RYR3: variants seen among roughly 807,000 people sequenced by gnomAD.
RYR3 encodes brain ryanodine receptor-calcium release channel.
RYR3 carries 207 observed loss-of-function variants against 584.3 expected under a neutral mutation model. The ratio of observed to expected loss-of-function variants is 0.35; its 90% CI spans 0.32 to 0.40. The LOEUF is 0.40. Ranked by LOEUF, RYR3 falls within the 10% of genes least tolerant of loss-of-function variation. RYR3 has a pLI of 1.00. For missense variants in RYR3, 5,616 were observed against 6,089.2 expected (o/e 0.92, Z 2.59); for synonymous variants, 2,416 against 2,248.5 (o/e 1.07, Z -2.11).
chr15:33,398,835 C>G (rs148771975), intron 1 of RYR3, among the ~76,000 whole-genome samples: 4 of 152,142 alleles, frequency 2.6e-5, no homozygotes, highest in Non-Finnish European at 5.9e-5. Context: ...TGGAGGGACT[C>G]GTTCACATGG....
At chr15:33,453,984 G>A (rs927163909) in intron 1 of RYR3, among the ~76,000 whole-genome samples, 6 of 152,182 alleles carry the variant, frequency 3.9e-5, no homozygotes, top group African/African-American at 1.4e-4. Flanking sequence ...TTGCCAGGTT[G>A]AGGCTTGGAC....
At chr15:33,617,941 T>C (rs1008247453) in intron 19 of RYR3, among the ~76,000 whole-genome samples, 1 of 152,184 alleles carries the variant, frequency 6.6e-6, no homozygotes, top group Non-Finnish European at 1.5e-5. Flanking sequence ...ATAGACAGTA[T>C]TGTTAGTGCA....
intron 1 of RYR3, among the ~76,000 whole-genome samples, chr15:33,389,745 G>A (rs2676051): frequency 0.75 from 114,842 of 152,164 alleles, 43,460 homozygotes; most frequent in Non-Finnish European, 0.79. Context: ...ATGCAAAACA[G>A]GCATTTTGTG....
intron 18 of RYR3, among the ~76,000 whole-genome samples, chr15:33,612,451 C>A (rs933975661): frequency 6.6e-6 from 1 of 152,210 alleles, no homozygotes; most frequent in African/African-American, 2.4e-5. Context: ...ACCTCTGCCT[C>A]CCGGGTTCAA....
intron 2 of RYR3, among the ~76,000 whole-genome samples, chr15:33,476,667 A>G (rs2049407499): frequency 6.6e-6 from 1 of 152,210 alleles, no homozygotes; most frequent in African/African-American, 2.4e-5. Flanking sequence ...GTAAATATCC[A>G]GGAGTAGAAT....
At position 33,446,853 on chromosome 15, in the gene RYR3, T is replaced by C. The variant is rs937878840; in HGVS notation, c.52-26566T>C. 1.3e-5 allele frequency among the ~76,000 whole-genome samples: 2 copies of C among 152,366 alleles called. 1 individual carries two copies. The stretch of plus-strand genomic sequence containing the variant: ...CTTTAGTGTCATTAACAGCTGTTAC[T>C]CTTCCTTCTCTTACATATATTGTAG... On this transcript the variant is annotated intron_variant, in intron 1 of 103. Coordinates refer to ENST00000634891, the MANE Select transcript of RYR3 (RefSeq NM_001036.6).
chr15:33,634,510 G>T (rs1407067151), intron 24 of RYR3, 76 bp from the exon 25 acceptor site: 10 of 1,492,406 alleles, frequency 6.7e-6, no homozygotes, highest in Non-Finnish European at 9.3e-6. Flanking sequence ...GACTGTTGCT[G>T]GGAATATGTG....
At chr15:33,835,132 C>T in intron 87 of RYR3, 60 bp downstream of exon 87, 4 of 1,233,974 alleles carry the variant, frequency 3.2e-6, no homozygotes, top group Non-Finnish European at 4.7e-6. Flanking sequence ...AGTCCTCACT[C>T]CTTGGTGTTC....
intron 91 of RYR3, among the ~76,000 whole-genome samples, chr15:33,842,590 G>C (rs573720412): frequency 6.6e-6 from 1 of 152,284 alleles, no homozygotes; most frequent in East Asian, 1.9e-4. Flanking sequence ...AGAGAGATTG[G>C]GAACGTTACC....
chr15:33,474,973 T>C (rs377622164), intron 2 of RYR3, among the ~76,000 whole-genome samples: 21 of 152,362 alleles, frequency 1.4e-4, no homozygotes, highest in African/African-American at 5.1e-4. Context: ...AAAATTTTTA[T>C]CTTTTTAAAG....
At chr15:33,833,350 T>G (rs1023551478) in intron 86 of RYR3, among the ~76,000 whole-genome samples, 1 of 152,226 alleles carries the variant, frequency 6.6e-6, no homozygotes, top group African/African-American at 2.4e-5. Context: ...TGAAAAATAT[T>G]AAATTCTCAT....
At chr15:33,859,446 C>T (rs1646930690) in intron 99 of RYR3, 129 bp from the exon 100 acceptor site, 1 of 909,982 alleles carries the variant, frequency 1.1e-6, no homozygotes, top group Non-Finnish European at 1.7e-6. Flanking sequence ...AATACTGGCA[C>T]CTCTGAAGAG....
At chr15:33,675,115 C>T (rs981280474) in intron 38 of RYR3, among the ~76,000 whole-genome samples, 6 of 152,140 alleles carry the variant, frequency 3.9e-5, no homozygotes, top group African/African-American at 1.4e-4. Context: ...GCAGCTAAAC[C>T]GTATGCAGGC....
In RYR3 at chr15:33,841,852, C is replaced by T. The variant is rs1278219683; in HGVS notation, c.13038-12C>T. Reference sequence around the variant, plus strand: ...CCGTCTGCCCTGCTGAGTGGGTTTCCCATTTCTGCAGCATGGAAGATGGAG... The same window carrying T: ...CCGTCTGCCCTGCTGAGTGGGTTTCTCATTTCTGCAGCATGGAAGATGGAG... On this transcript the variant is annotated splice_polypyrimidine_tract_variant and intron_variant, in intron 90 of 103. Coordinates refer to ENST00000634891, the MANE Select transcript of RYR3 (RefSeq NM_001036.6). 6.3e-7 allele frequency: 1 copy of T among 1,585,346 alleles called. No individual in the cohort carries two copies. Among genetic ancestry groups the T allele is most frequent in the Non-Finnish European group, 8.6e-7 (1 of 1,165,852 alleles).
At chr15:33,337,126 G>A (rs1971218037) in intron 1 of RYR3, among the ~76,000 whole-genome samples, 1 of 145,714 alleles carries the variant, frequency 6.9e-6, no homozygotes, top group African/African-American at 2.5e-5. Flanking sequence ...GAGAAGGCAT[G>A]AGTAATCCAT....
chr15:33,484,865 G>C (rs916234660), intron 2 of RYR3, among the ~76,000 whole-genome samples: 13 of 152,166 alleles, frequency 8.5e-5, no homozygotes, highest in African/African-American at 2.9e-4. Context: ...GTAGGCATCT[G>C]TATATATGAC....
chr15:33,562,331 C>G (rs796503769), intron 10 of RYR3, among the ~76,000 whole-genome samples: 16 of 152,294 alleles, frequency 1.1e-4, no homozygotes, highest in African/African-American at 3.8e-4. Context: ...GTATTAACCC[C>G]TGCGTATTCA....
intron 2 of RYR3, among the ~76,000 whole-genome samples, chr15:33,501,143 T>G (rs16971778): frequency 0.051 from 7,830 of 152,222 alleles, 676 homozygotes; most frequent in African/African-American, 0.18. Flanking sequence ...TTGTCCTGTT[T>G]AAATATACCC....
intron 38 of RYR3, among the ~76,000 whole-genome samples, chr15:33,674,131 C>T (rs1209957591): frequency 6.6e-6 from 1 of 152,184 alleles, no homozygotes; most frequent in Non-Finnish European, 1.5e-5. Flanking sequence ...CACTGAACAG[C>T]CTAGGAGCCC....
Sources: allele counts gnomAD v4.1 joint callset (sites outside exome capture counted in the v4.1 genomes callset), GRCh38; gene constraint gnomAD v4.1.1; transcripts MANE v1.5; gene names NCBI Gene and HGNC (gene_info 2026-07-23, HGNC 2026-07-21).